Variants in MYO10 observed in about 807,000 individuals in gnomAD.
MYO10 encodes unconventional myosin-X.
In MYO10, 133 loss-of-function variants were observed where a neutral mutation model predicts 257.3. That is an observed-to-expected ratio of 0.52 (90% confidence interval 0.45 to 0.60). MYO10 has a LOEUF of 0.60. Ranked by LOEUF, MYO10 falls within the 20% of genes least tolerant of loss-of-function variation. The probability of loss-of-function intolerance (pLI) is 0.00; values close to 1 mark genes in which losing one functional copy is unlikely to be tolerated. For synonymous variants in MYO10, 1,104 were observed against 1,028.6 expected, an observed-to-expected ratio of 1.07 and a Z score of -1.40; for missense variants, 2,399 against 2,635.7, an observed-to-expected ratio of 0.91 and a Z score of 1.97.
At chr5:16,749,036 G>A (rs1373973346) in intron 19 of MYO10, among the ~76,000 whole-genome samples, 10 of 152,056 alleles carry the variant, frequency 6.6e-5, no homozygotes, top group African/African-American at 9.7e-5. Flanking sequence ...CAAGGCTCAC[G>A]TGACCTCCCT....
chr5:16,832,381 C>A (rs893245659), intron 2 of MYO10, among the ~76,000 whole-genome samples: 21 of 152,162 alleles, frequency 1.4e-4, no homozygotes, highest in African/African-American at 4.8e-4. Flanking sequence ...GGGTTTAATA[C>A]ATTTTTATAA....
intron 19 of MYO10, among the ~76,000 whole-genome samples, chr5:16,716,949 T>G (rs1738900682): frequency 6.6e-6 from 1 of 152,172 alleles, no homozygotes; most frequent in African/African-American, 2.4e-5. Flanking sequence ...TTCTCCTGCC[T>G]GAGCCTCCCA....
intron 17 of MYO10, 122 bp downstream of exon 17, chr5:16,761,342 C>T: frequency 1.3e-6 from 1 of 770,462 alleles, no homozygotes; most frequent in Non-Finnish European, 2.2e-6. Context: ...GAAGTATTAC[C>T]TGGGAAAAAC....
At chr5:16,808,473 TAATA>T (rs1742340475) in intron 3 of MYO10, among the ~76,000 whole-genome samples, 1 of 152,058 alleles carries the variant, frequency 6.6e-6, no homozygotes, top group Non-Finnish European at 1.5e-5. Flanking sequence ...GTCTAAATAA[TAATA>T]AATAAAAATA....
At chr5:16,788,349 A>G (rs1264217987) in intron 4 of MYO10, among the ~76,000 whole-genome samples, 1 of 152,096 alleles carries the variant, frequency 6.6e-6, no homozygotes, top group East Asian at 1.9e-4. Context: ...AATTGGTACC[A>G]CCAGGTTTGT....
intron 1 of MYO10, among the ~76,000 whole-genome samples, chr5:16,899,342 T>C (rs1038920906): frequency 6.6e-6 from 1 of 151,614 alleles, no homozygotes; most frequent in African/African-American, 2.4e-5. Flanking sequence ...TCTGAAATAA[T>C]AAAAGAATGT....
chr5:16,915,726 C>T (rs138680378), intron 1 of MYO10, among the ~76,000 whole-genome samples: 195 of 152,292 alleles, frequency 1.3e-3, no homozygotes, highest in African/African-American at 4.2e-3. Flanking sequence ...TAGGCCAAGG[C>T]GGGCGGATCA....
intron 19 of MYO10, among the ~76,000 whole-genome samples, chr5:16,744,674 G>C (rs537646825): frequency 2.0e-5 from 3 of 152,204 alleles, no homozygotes; most frequent in African/African-American, 7.2e-5. Context: ...TGGGGAACAG[G>C]TGGGGTAGTG....
chr5:16,915,730 C>T (rs1278419494), intron 1 of MYO10, among the ~76,000 whole-genome samples: 3 of 152,158 alleles, frequency 2.0e-5, no homozygotes, highest in African/African-American at 4.8e-5. Flanking sequence ...CCAAGGCGGG[C>T]GGATCACCTA....
intron 19 of MYO10, among the ~76,000 whole-genome samples, chr5:16,751,998 A>T (rs1740390401): frequency 6.6e-6 from 1 of 152,342 alleles, no homozygotes; most frequent in Admixed American, 6.5e-5. Context: ...TCGGTTCTGC[A>T]ATAGTCTGGC....
At chr5:16,810,277 C>T (rs1742397285) in intron 3 of MYO10, among the ~76,000 whole-genome samples, 2 of 152,142 alleles carry the variant, frequency 1.3e-5, no homozygotes, top group Admixed American at 6.5e-5. Context: ...AGCCACAGCA[C>T]TTGACAAGAC....
At chr5:16,857,458 A>G (rs1389527004) in intron 2 of MYO10, among the ~76,000 whole-genome samples, 2 of 152,238 alleles carry the variant, frequency 1.3e-5, no homozygotes, top group South Asian at 2.1e-4. Context: ...ATCCCCACAC[A>G]TAGCCTGCCA....
chr5:16,858,785 C>T (rs1735553662), intron 2 of MYO10, among the ~76,000 whole-genome samples: 1 of 152,182 alleles, frequency 6.6e-6, no homozygotes, highest in Admixed American at 6.5e-5. Context: ...CGGTGAAACC[C>T]CATCTCTACT....
At chr5:16,923,718 A>G (rs193014509) in intron 1 of MYO10, among the ~76,000 whole-genome samples, 228 of 151,532 alleles carry the variant, frequency 1.5e-3, no homozygotes, top group African/African-American at 5.3e-3. Flanking sequence ...TGGCCACCTA[A>G]CATGTGAACC....
chr5:16,821,019 TAATA>T (rs1305384060), intron 2 of MYO10, among the ~76,000 whole-genome samples: 1 of 147,598 alleles, frequency 6.8e-6, no homozygotes, highest in Non-Finnish European at 1.5e-5. Flanking sequence ...CCTTATATCC[TAATA>T]TATTATGTAA....
At position 16,757,108 on chromosome 5, in the gene MYO10, G is replaced by A. The variant is rs550883213; in HGVS notation, c.1848+1010C>T. 2.4e-3 allele frequency among the ~76,000 whole-genome samples: 322 copies of A among 136,430 alleles called. 2 individuals carry two copies. Among genetic ancestry groups the A allele is most frequent in the Admixed American group, 7.3e-3 (92 of 12,668 alleles). 89.5% of individuals were successfully genotyped at this position (136,430 alleles called of 152,430 possible). On this transcript the variant is annotated intron_variant, in intron 18 of 40. Transcript: ENST00000513610. ...CATTCCAGCCTGGGTGACAGAGCGA[G>A]ACTCTGCCTTTAAAAAAAAAAAAAA...
In MYO10 at chr5:16,670,924, C is replaced by T. The variant is rs1224282080; in HGVS notation, c.5485G>A (p.Val1829Ile). The T allele has an allele frequency of 3.7e-6, 6 of 1,613,712 alleles. No individual in the cohort carries two copies. Among genetic ancestry groups the T allele is most frequent in the Non-Finnish European group, 4.2e-6 (5 of 1,179,706 alleles). ...HHPAPEENLQVLAALRLQYLQ... is the reference protein window; with the variant it reads ...HHPAPEENLQILAALRLQYLQ... Reference sequence around the variant, plus strand: ...TACTGGAGTCGCAGGGCAGCAAGAACCTGGAGGTTTTCTTCCGGGGCTGGA... The same window carrying T: ...TACTGGAGTCGCAGGGCAGCAAGAATCTGGAGGTTTTCTTCCGGGGCTGGA... The change falls in exon 39 of 41, where the codon GTT becomes ATT. Residue 1829 changes from valine (V) to isoleucine (I), a missense_variant. Val to Ile is a conservative substitution (Grantham distance 29). Around this residue, in one of 3 missense-constraint regions of MYO10, gnomAD observed 1,820 missense variants for 1,939.4 expected, o/e 0.94. Transcript: ENST00000513610.
At chr5:16,887,431 TAA>T (rs1336715141) in intron 1 of MYO10, among the ~76,000 whole-genome samples, 1 of 152,228 alleles carries the variant, frequency 6.6e-6, no homozygotes, top group Non-Finnish European at 1.5e-5. Context: ...TGTGATTCTG[TAA>T]AGAGTTTATT....
At chr5:16,895,307 C>A (rs1745185864) in intron 1 of MYO10, among the ~76,000 whole-genome samples, 1 of 152,198 alleles carries the variant, frequency 6.6e-6, no homozygotes, top group Non-Finnish European at 1.5e-5. Context: ...GCAGTGAAGA[C>A]CCTGCTGCAG....
Sources: allele counts gnomAD v4.1 joint callset (sites outside exome capture counted in the v4.1 genomes callset), GRCh38; gene constraint gnomAD v4.1.1; regional missense constraint gnomAD v4.1.1; transcripts MANE v1.5; gene names NCBI Gene and HGNC (gene_info 2026-07-23, HGNC 2026-07-21).